RBMS3: variants seen among roughly 807,000 people sequenced by gnomAD.
RBMS3 encodes the protein RNA binding motif single stranded interacting protein 3.
RBMS3 carries 27 observed loss-of-function variants against 66.8 expected under a neutral mutation model. The observed-to-expected ratio is 0.40, with a 90% CI of 0.30 to 0.56. RBMS3 has a LOEUF of 0.56. RBMS3 is among the 20% of genes least tolerant of loss of function. The pLI, the probability that RBMS3 is intolerant of heterozygous loss-of-function variation, is 0.40. For synonymous variants in RBMS3, 188 were observed against 183.0 expected, an observed-to-expected ratio of 1.03 and a Z score of -0.22; for missense variants, 513 against 549.5, an observed-to-expected ratio of 0.93 and a Z score of 0.66.
intron 3 of RBMS3, among the ~76,000 whole-genome samples, chr3:29,581,219 C>A (rs1337467222): frequency 6.6e-6 from 1 of 152,104 alleles, no homozygotes; most frequent in Non-Finnish European, 1.5e-5. Flanking sequence ...AAAGAAGATA[C>A]TGAAGAAATG....
At chr3:29,366,039 G>C (rs1419694688) in intron 1 of RBMS3, among the ~76,000 whole-genome samples, 1 of 152,132 alleles carries the variant, frequency 6.6e-6, no homozygotes, top group Non-Finnish European at 1.5e-5. Context: ...TTTTAGCAGA[G>C]AGGATGTGAA....
In RBMS3 at chr3:29,442,538, A is replaced by C. The variant is rs1271445687; in HGVS notation, c.248+7623A>C. ...TACGATCTTGATGGTAGCACAAAAA[A>C]GATGGAGATGTAAAAAGATGTGATC... is the stretch of plus-strand genomic sequence containing the variant. On this transcript the variant is annotated intron_variant, in intron 2 of 14. Transcript: ENST00000383767. Among the ~76,000 whole-genome samples, 3 of 152,180 alleles carry C rather than the reference A, an allele frequency of 2.0e-5. No homozygotes were observed. The East Asian group carries it at 5.8e-4, about 29-fold the overall frequency.
chr3:29,325,477 G>T (rs1364833450), intron 1 of RBMS3, among the ~76,000 whole-genome samples: 1 of 151,544 alleles, frequency 6.6e-6, no homozygotes, highest in African/African-American at 2.4e-5. Context: ...AGATTCAGTT[G>T]AAAGAAAACT....
Position 29,698,360 on chromosome 3 carries a change from T to G in RBMS3, c.400-41360T>G, listed in dbSNP as rs192869241. The G allele has an allele frequency of 4.1e-6, 4 of 985,406 alleles. No individual in the cohort carries two copies. In the African/African-American group the frequency reaches 7.0e-5, roughly 17 times the overall value. The allele number at this position is 985,406 out of a possible 1,614,324, so 61.0% of individuals were successfully genotyped here. A position where few individuals can be genotyped will look rare whatever the true frequency, so the allele number is the denominator to read the frequency against. On this transcript the variant is annotated intron_variant, in intron 4 of 14. Transcript: ENST00000383767. Reference sequence around the variant, plus strand: ...AATAATAAAACCGGAGCAGTTTGTGTCTGAATGTGCTGTAAACCAGATTTT... The same window carrying G: ...AATAATAAAACCGGAGCAGTTTGTGGCTGAATGTGCTGTAAACCAGATTTT...
At chr3:29,413,068 A>T (rs2040332733) in intron 1 of RBMS3, among the ~76,000 whole-genome samples, 1 of 152,188 alleles carries the variant, frequency 6.6e-6, no homozygotes, top group African/African-American at 2.4e-5. Context: ...TTCTCACATA[A>T]GAAAAAGAGA....
At chr3:29,928,211 T>TATATACATAC (rs1291440563) in intron 10 of RBMS3, among the ~76,000 whole-genome samples, 1 of 93,508 alleles carries the variant, frequency 1.1e-5, no homozygotes, top group Non-Finnish European at 2.1e-5. Flanking sequence ...TATATATATA[T>TATATACATAC]ACACACACAC....
chr3:29,554,285 G>A (rs1190304216), intron 3 of RBMS3, among the ~76,000 whole-genome samples: 25 of 152,148 alleles, frequency 1.6e-4, no homozygotes, highest in Non-Finnish European at 8.8e-5. Context: ...GCTATCTATT[G>A]CTTAACTATT....
chr3:29,701,304 T>C (rs187138695), intron 4 of RBMS3, among the ~76,000 whole-genome samples: 1 of 151,674 alleles, frequency 6.6e-6, no homozygotes, highest in South Asian at 2.1e-4. Flanking sequence ...GAAAAAAAGT[T>C]TTAAGTAGTG....
chr3:29,953,448 G>A (rs1167071792), intron 12 of RBMS3, among the ~76,000 whole-genome samples: 4 of 151,900 alleles, frequency 2.6e-5, no homozygotes, highest in Non-Finnish European at 5.9e-5. Context: ...CTTGCAAATA[G>A]CTTCCAGCTA....
intron 3 of RBMS3, among the ~76,000 whole-genome samples, chr3:29,519,968 A>G (rs2044790301): frequency 6.6e-6 from 1 of 152,154 alleles, no homozygotes; most frequent in African/African-American, 2.4e-5. Flanking sequence ...CATTTTTAGT[A>G]CTTGTTTCAT....
At chr3:29,869,782 C>T in intron 7 of RBMS3, among the ~76,000 whole-genome samples, 1 of 151,990 alleles carries the variant, frequency 6.6e-6, no homozygotes, top group East Asian at 1.9e-4. Flanking sequence ...CTATTTTGTA[C>T]CAAGGCCATA....
At chr3:29,525,958 A>G (rs2045077520) in intron 3 of RBMS3, among the ~76,000 whole-genome samples, 1 of 152,192 alleles carries the variant, frequency 6.6e-6, no homozygotes, top group South Asian at 2.1e-4. Flanking sequence ...CATTTTATCA[A>G]TGAAATTTAA....
In RBMS3 at chr3:29,469,088, C is replaced by T. The variant is rs151090699; in HGVS notation, c.249-19353C>T. 8.7e-3 allele frequency among the ~76,000 whole-genome samples: 1,321 copies of T among 152,160 alleles called. 12 individuals are homozygous for T. Among genetic ancestry groups the T allele is most frequent in the Non-Finnish European group, 0.013 (878 of 67,942 alleles). ...CAATAAGGTTACAGTTCAGCATTCTCGTAAATAGCAGGGAGGCCTATCTTG... is the reference window on the plus strand; with the variant it reads ...CAATAAGGTTACAGTTCAGCATTCTTGTAAATAGCAGGGAGGCCTATCTTG... On this transcript the variant is annotated intron_variant, in intron 2 of 14. Coordinates refer to ENST00000383767, the MANE Select transcript of RBMS3 (RefSeq NM_001003793.3).
At chr3:29,564,204 C>T (rs779935581) in intron 3 of RBMS3, among the ~76,000 whole-genome samples, 1 of 151,854 alleles carries the variant, frequency 6.6e-6, no homozygotes, top group Non-Finnish European at 1.5e-5. Context: ...AGGCCAGGAG[C>T]AGGGGCTCAT....
intron 1 of RBMS3, among the ~76,000 whole-genome samples, chr3:29,346,429 A>G (rs1157455763): frequency 6.9e-4 from 59 of 86,112 alleles, no homozygotes; most frequent in Admixed American, 2.0e-3. Flanking sequence ...TTTGAGATGG[A>G]GTCTTGCTTT....
intron 6 of RBMS3, among the ~76,000 whole-genome samples, chr3:29,822,712 T>A (rs1232636456): frequency 6.6e-6 from 1 of 152,122 alleles, no homozygotes; most frequent in Non-Finnish European, 1.5e-5. Flanking sequence ...TGATATGGAT[T>A]TGATTTGATT....
Position 29,920,033 on chromosome 3 carries a change from G to A in RBMS3, c.940-16053G>A, listed in dbSNP as rs560060938. The stretch of plus-strand genomic sequence containing the variant: ...TTGATCTCTCTACTTTTTTTTTAAC[G>A]TACTTAGGAAAAAATTGTCGCATGA... On this transcript the variant is annotated intron_variant, in intron 10 of 14. Coordinates refer to ENST00000383767, the MANE Select transcript of RBMS3 (RefSeq NM_001003793.3). 7.9e-5 allele frequency among the ~76,000 whole-genome samples: 12 copies of A among 151,576 alleles called. No individual in the cohort carries two copies. In the South Asian group the frequency reaches 2.5e-3, roughly 32 times the overall value.
At chr3:29,936,012 T>G in intron 10 of RBMS3, 74 bp from the exon 11 acceptor site, 1 of 1,218,086 alleles carries the variant, frequency 8.2e-7, no homozygotes, top group South Asian at 1.4e-5. Flanking sequence ...CATTTACAAT[T>G]TACAGTGTTT....
intron 8 of RBMS3, among the ~76,000 whole-genome samples, chr3:29,884,960 A>G (rs1374267423): frequency 6.6e-6 from 1 of 151,936 alleles, no homozygotes; most frequent in Non-Finnish European, 1.5e-5. Context: ...TCATTATAAA[A>G]GCCTCATTGA....
Sources: allele counts gnomAD v4.1 joint callset (sites outside exome capture counted in the v4.1 genomes callset), GRCh38; gene constraint gnomAD v4.1.1; transcripts MANE v1.5; gene names NCBI Gene and HGNC (gene_info 2026-07-23, HGNC 2026-07-21).